HDAC9: variants seen among roughly 807,000 people sequenced by gnomAD.
The protein encoded by HDAC9 is histone deacetylase 9.
HDAC9 carries 41 observed loss-of-function variants against 139.4 expected under a neutral mutation model. The observed-to-expected ratio is 0.29, with a 90% CI of 0.23 to 0.38. The LOEUF is 0.38. Among genes scored for constraint, HDAC9 ranks in the 10% least tolerant of loss-of-function variants. The pLI, the probability that HDAC9 is intolerant of heterozygous loss-of-function variation, is 1.00. For missense variants in HDAC9, 1,147 were observed against 1,297.0 expected (o/e 0.88, Z 1.78); for synonymous variants, 517 against 476.2 (o/e 1.09, Z -1.12).
chr7:18,772,607 G>T (rs758768416), intron 16 of HDAC9, among the ~76,000 whole-genome samples: 23 of 152,076 alleles, frequency 1.5e-4, no homozygotes, highest in Admixed American at 5.9e-4. Context: ...TATCAAAGAG[G>T]TATCACAAAC....
At chr7:18,869,145 GGGGTGT>G (rs1798713807) in intron 21 of HDAC9, among the ~76,000 whole-genome samples, 2 of 125,642 alleles carry the variant, frequency 1.6e-5, no homozygotes, top group Admixed American at 1.6e-4. Context: ...ACTCACAATT[GGGGTGT>G]GTGTGTGTGT....
At chr7:18,671,728 C>T (rs1795688535) in intron 12 of HDAC9, among the ~76,000 whole-genome samples, 1 of 152,002 alleles carries the variant, frequency 6.6e-6, no homozygotes, top group Non-Finnish European at 1.5e-5. Context: ...CACTCCCACT[C>T]CACGCTCGTT....
chr7:18,153,228 G>A (rs947042559), intron 1 of HDAC9, among the ~76,000 whole-genome samples: 3 of 152,116 alleles, frequency 2.0e-5, no homozygotes, highest in African/African-American at 4.8e-5. Context: ...TGGACCAAAC[G>A]CACAGACAAA....
intron 1 of HDAC9, among the ~76,000 whole-genome samples, chr7:18,102,055 T>C (rs1782890435): frequency 6.6e-6 from 1 of 152,240 alleles, no homozygotes; most frequent in South Asian, 2.1e-4. Flanking sequence ...AATAGTGAAC[T>C]ATGTGCTGGT....
rs571353327 is a variant in HDAC9, at chr7:18,386,520, G to C, written c.-42+96005G>C. 2.6e-5 allele frequency among the ~76,000 whole-genome samples: 4 copies of C among 152,244 alleles called. No individual in the cohort carries two copies. In the South Asian group the frequency reaches 8.3e-4, roughly 32 times the overall value. ...ATACCTTTTGAAGCCAAAACAACCT[G>C]AGGCCACACCCTAACTTGAAACCCA... On this transcript the variant is annotated intron_variant, in intron 1 of 3. Transcript: ENST00000413509.
At chr7:18,808,391 G>A (rs987090984) in intron 17 of HDAC9, 13 of 152,130 alleles carry the variant, frequency 8.5e-5, no homozygotes, top group South Asian at 2.1e-4. Context: ...AATTGTCTCT[G>A]TTTGAATACG....
At chr7:18,460,903 AACC>A (rs1793786208) in intron 1 of HDAC9, among the ~76,000 whole-genome samples, 1 of 152,144 alleles carries the variant, frequency 6.6e-6, no homozygotes, top group South Asian at 2.1e-4. Context: ...TTATTAAAAC[AACC>A]TAATGATCTA....
chr7:18,576,050 T>C (rs555288694), intron 2 of HDAC9, among the ~76,000 whole-genome samples: 1 of 152,296 alleles, frequency 6.6e-6, no homozygotes, highest in African/African-American at 2.4e-5. Flanking sequence ...TTAGCTAAGA[T>C]ATGAAGGATA....
In HDAC9 at chr7:18,124,899, C is replaced by CTT. The variant is rs11433623; in HGVS notation, c.-96-37318_-96-37317dup. 8.5e-4 allele frequency among the ~76,000 whole-genome samples: 123 copies of CTT among 144,136 alleles called. 1 individual carries two copies. The highest frequency in any genetic ancestry group is 3.8e-3 in the East Asian group (19 of 4,996). The allele number at this position is 144,136 out of a possible 152,430, so 94.6% of individuals were successfully genotyped here. On this transcript the variant is annotated intron_variant, in intron 1 of 12. Coordinates refer to the HDAC9 transcript ENST00000417496. ...TCTCAGTTTTTCTTTCTTTCTTTTT[C>CTT]TTTTTTTTTTTTTAACATTGTTAGC...
At position 18,156,915 on chromosome 7, in the gene HDAC9, G is replaced by A. The variant is rs1261364859; in HGVS notation, c.-96-5314G>A. Among the ~76,000 whole-genome samples the A allele has an allele frequency of 2.0e-5, 3 of 152,086 alleles. No homozygotes were observed. In the East Asian group the frequency reaches 5.8e-4, roughly 29 times the overall value. ...TGAGGCAGGACGATAGGGATAAATT[G>A]TTTCTATAAAAAAAGTAAAAATGTT... On this transcript the variant is annotated intron_variant, in intron 1 of 12. Transcript: ENST00000417496.
At chr7:18,263,997 A>G (rs1287805207) in intron 2 of HDAC9, among the ~76,000 whole-genome samples, 2 of 152,194 alleles carry the variant, frequency 1.3e-5, no homozygotes, top group Non-Finnish European at 2.9e-5. Flanking sequence ...AAAGGCTCAA[A>G]CCATGAAGAA....
At chr7:18,628,825 G>A (rs1781461531) in intron 6 of HDAC9, among the ~76,000 whole-genome samples, 1 of 152,110 alleles carries the variant, frequency 6.6e-6, no homozygotes, top group Admixed American at 6.6e-5. Flanking sequence ...CAAGGTTTTA[G>A]ATTAGAAACT....
At chr7:18,795,055 A>G (rs952000087) in intron 17 of HDAC9, among the ~76,000 whole-genome samples, 2 of 152,126 alleles carry the variant, frequency 1.3e-5, no homozygotes, top group African/African-American at 2.4e-5. Flanking sequence ...ATAGTTGAAT[A>G]AAAACATAAT....
chr7:18,105,707 A>T (rs1783149930), intron 1 of HDAC9, among the ~76,000 whole-genome samples: 1 of 151,940 alleles, frequency 6.6e-6, no homozygotes, highest in African/African-American at 2.4e-5. Context: ...AAAGCTAACC[A>T]GAGAGTTACT....
chr7:18,503,342 T>C (rs1422582148), intron 2 of HDAC9, among the ~76,000 whole-genome samples: 1 of 152,182 alleles, frequency 6.6e-6, no homozygotes, highest in Non-Finnish European at 1.5e-5. Flanking sequence ...TGCCTGGTGT[T>C]CCTAGTTCCA....
chr7:18,978,022 T>TATC (rs1259891311), intron 25 of HDAC9, among the ~76,000 whole-genome samples: 2 of 151,826 alleles, frequency 1.3e-5, no homozygotes, highest in African/African-American at 4.8e-5. Flanking sequence ...AGGGGAATAC[T>TATC]ATCAGTATTG....
rs1282204279 is a variant in HDAC9, at chr7:18,473,413, A to G, written c.-41-22849A>G. On this transcript the variant is annotated intron_variant, in intron 1 of 3. Coordinates refer to the HDAC9 transcript ENST00000413509. ...ATTTTCTGCTAAATCAACAGTTCCT[A>G]TATACACATCAGCTTTACAAGTCTC... Among the ~76,000 whole-genome samples, 3 of 152,184 alleles carry G rather than the reference A, an allele frequency of 2.0e-5. No individual in the cohort carries two copies. In the East Asian group the frequency reaches 5.8e-4, roughly 29 times the overall value.
At chr7:18,485,942 A>C (rs893846989) in intron 1 of HDAC9, among the ~76,000 whole-genome samples, 2 of 152,164 alleles carry the variant, frequency 1.3e-5, no homozygotes, top group Admixed American at 6.6e-5. Flanking sequence ...CTGTAATAGA[A>C]TACCACAGAC....
intron 1 of HDAC9, among the ~76,000 whole-genome samples, chr7:18,328,902 T>G (rs1407341958): frequency 6.6e-6 from 1 of 151,908 alleles, no homozygotes; most frequent in Admixed American, 6.6e-5. Context: ...TCTTTAAATG[T>G]TTGGTAGAAT....
Sources: gnomAD v4.1 joint callset for allele counts (sites outside exome capture counted in the v4.1 genomes callset) on GRCh38, gnomAD v4.1.1 for gene constraint, MANE v1.5 for transcripts, NCBI Gene and HGNC (gene_info 2026-07-23, HGNC 2026-07-21) for gene names.